The following TFCP2 variants were observed in gnomAD, a reference collection of about 807,000 sequenced individuals.
The protein encoded by TFCP2 is alpha-globin transcription factor CP2.
TFCP2 carries 33 observed loss-of-function variants against 73.4 expected under a neutral mutation model. The observed-to-expected ratio is 0.45, with a 90% CI of 0.34 to 0.60. The LOEUF (loss-of-function observed/expected upper bound fraction) is 0.60. TFCP2 is among the 20% of genes least tolerant of loss of function. The probability of loss-of-function intolerance (pLI) is 0.01; values close to 1 mark genes in which losing one functional copy is unlikely to be tolerated. For synonymous variants in TFCP2, 193 were observed against 211.6 expected, an observed-to-expected ratio of 0.91 and a Z score of 0.76; for missense variants, 352 against 604.0, an observed-to-expected ratio of 0.58 and a Z score of 4.37.
intron 1 of TFCP2, among the ~76,000 whole-genome samples, chr12:51,158,262 C>T (rs1941579134): frequency 6.6e-6 from 1 of 152,060 alleles, no homozygotes; most frequent in African/African-American, 2.4e-5. Flanking sequence ...AGAGAGCCCC[C>T]CCATTCCTAA....
In TFCP2 at chr12:51,117,703, C is replaced by T. The variant is rs1401259536; in HGVS notation, c.319G>A (p.Glu107Lys). 1.2e-6 allele frequency: 2 copies of T among 1,613,226 alleles called. No individual in the cohort carries two copies. Among genetic ancestry groups the T allele is most frequent in the East Asian group, 4.5e-5 (2 of 44,812 alleles). Residue 107 changes from glutamate (E) to lysine (K), a missense_variant, in exon 3 of 15, where the codon GAA becomes AAA. Transcript: ENST00000257915. ...IRMLDNRKLG[E>K]LPEINGKLVK... ...AATTTGCCATTAATTTCTGGAAGTT[C>T]TCCAAGTTTCCTATTGTCTAGCATT...
chr12:51,113,367 C>G (rs1374005877), intron 4 of TFCP2, among the ~76,000 whole-genome samples: 1 of 152,206 alleles, frequency 6.6e-6, no homozygotes, highest in African/African-American at 2.4e-5. Context: ...TTGTGAAGAT[C>G]TTTCCTTTAT....
intron 1 of TFCP2, among the ~76,000 whole-genome samples, chr12:51,134,698 T>TA (rs1210819697): frequency 2.0e-5 from 3 of 152,226 alleles, no homozygotes; most frequent in African/African-American, 4.8e-5. Context: ...TAAATCAAGT[T>TA]TATTTACAGT....
intron 1 of TFCP2, among the ~76,000 whole-genome samples, chr12:51,125,997 G>A (rs12809790): frequency 0.14 from 20,865 of 151,890 alleles, 1,706 homozygotes; most frequent in South Asian, 0.25. Context: ...TTGGGAGGCT[G>A]AGGCAGGTGG....
rs556660935 is a variant in TFCP2, at chr12:51,111,461, T to C, written c.458-478A>G. Among the ~76,000 whole-genome samples the C allele has an allele frequency of 2.1e-3, 314 of 152,228 alleles. 1 individual carries two copies. Among genetic ancestry groups the C allele is most frequent in the Middle Eastern group, 6.8e-3 (2 of 292 alleles). On this transcript the variant is annotated intron_variant, in intron 4 of 14. Transcript: ENST00000257915. ...GTGCCCAGCCCACACCTTAAATTTCTTTTTTGTCAATGAAAATATTTGATT... is the reference window on the plus strand; with the variant it reads ...GTGCCCAGCCCACACCTTAAATTTCCTTTTTGTCAATGAAAATATTTGATT...
At chr12:51,165,764 T>C (rs1048296200) in intron 1 of TFCP2, among the ~76,000 whole-genome samples, 25 of 152,234 alleles carry the variant, frequency 1.6e-4, no homozygotes, top group African/African-American at 5.8e-4. Flanking sequence ...TTTTATGTTA[T>C]GTGTATTTTA....
At chr12:51,108,352 C>G (rs1592793546) in intron 6 of TFCP2, among the ~76,000 whole-genome samples, 1 of 151,930 alleles carries the variant, frequency 6.6e-6, no homozygotes, top group East Asian at 1.9e-4. Flanking sequence ...CAGTGGTTTC[C>G]TCTGGGAAGA....
At chr12:51,110,149 G>C (rs1940362580) in intron 5 of TFCP2, among the ~76,000 whole-genome samples, 1 of 152,196 alleles carries the variant, frequency 6.6e-6, no homozygotes, top group Non-Finnish European at 1.5e-5. Flanking sequence ...TAATAAACTA[G>C]TGGTTACTAT....
intron 1 of TFCP2, among the ~76,000 whole-genome samples, chr12:51,161,569 A>G (rs1296974155): frequency 2.0e-5 from 3 of 151,712 alleles, no homozygotes; most frequent in Non-Finnish European, 4.4e-5. Context: ...AATCCCAGCT[A>G]TTCAGGAGGC....
rs139671825 is a variant in TFCP2, at chr12:51,130,300, C to T, written c.123-11528G>A. 6.7e-3 allele frequency among the ~76,000 whole-genome samples: 1,015 copies of T among 151,900 alleles called. 19 individuals carry two copies. The highest frequency in any genetic ancestry group is 0.023 in the African/African-American group (944 of 41,440). On this transcript the variant is annotated intron_variant, in intron 1 of 14. Coordinates refer to ENST00000257915, the MANE Select transcript of TFCP2 (RefSeq NM_005653.5). The stretch of plus-strand genomic sequence containing the variant: ...CAGCCTGGCCAACATGGTGAAACCC[C>T]GTCTCTCCTAAAAATACAAAAATTA...
At chr12:51,111,883 G>A (rs528557996) in intron 4 of TFCP2, among the ~76,000 whole-genome samples, 13 of 149,540 alleles carry the variant, frequency 8.7e-5, no homozygotes, top group African/African-American at 2.7e-4. Context: ...TAGGCCAGGC[G>A]TGGTGGCTTA....
chr12:51,153,303 G>A (rs1460736031), intron 1 of TFCP2, among the ~76,000 whole-genome samples: 3 of 152,164 alleles, frequency 2.0e-5, no homozygotes, highest in Non-Finnish European at 4.4e-5. Context: ...TTGGGCCCAG[G>A]AGTTTGAGGT....
chr12:51,169,525 G>A (rs1482110741), intron 1 of TFCP2, among the ~76,000 whole-genome samples: 1 of 150,612 alleles, frequency 6.6e-6, no homozygotes, highest in Non-Finnish European at 1.5e-5. Flanking sequence ...AAAGTCAAGA[G>A]AATAGTGACA....
At chr12:51,150,999 G>C (rs1941410434) in intron 1 of TFCP2, among the ~76,000 whole-genome samples, 1 of 152,104 alleles carries the variant, frequency 6.6e-6, no homozygotes, top group African/African-American at 2.4e-5. Flanking sequence ...AAAGCAAGGA[G>C]TGCTGGTGAG....
intron 1 of TFCP2, among the ~76,000 whole-genome samples, chr12:51,169,883 T>C (rs796251297): frequency 7.9e-5 from 12 of 152,326 alleles, no homozygotes; most frequent in African/African-American, 2.9e-4. Context: ...CAGAGTATGA[T>C]TTGTAAAGAA....
At chr12:51,161,036 C>T (rs529556593) in intron 1 of TFCP2, among the ~76,000 whole-genome samples, 3 of 152,282 alleles carry the variant, frequency 2.0e-5, no homozygotes, top group South Asian at 2.1e-4. Context: ...CCTAGTGGCA[C>T]TAGACAAGTG....
chr12:51,110,655 T>C (rs534523535), intron 5 of TFCP2, among the ~76,000 whole-genome samples: 3 of 152,250 alleles, frequency 2.0e-5, no homozygotes, highest in African/African-American at 7.2e-5. Context: ...TATGCAGCCA[T>C]TACCAAGCAA....
chr12:51,160,907 G>C (rs1324860253), intron 1 of TFCP2, among the ~76,000 whole-genome samples: 1 of 152,146 alleles, frequency 6.6e-6, no homozygotes, highest in East Asian at 1.9e-4. Flanking sequence ...GCAGGAAATA[G>C]GGGCTTTGTC....
At chr12:51,126,062 C>G (rs932695939) in intron 1 of TFCP2, among the ~76,000 whole-genome samples, 1 of 151,730 alleles carries the variant, frequency 6.6e-6, no homozygotes, top group Non-Finnish European at 1.5e-5. Flanking sequence ...AACCCCATCT[C>G]TACTAAAAAA....
Sources: gnomAD v4.1 joint callset for allele counts (sites outside exome capture counted in the v4.1 genomes callset) on GRCh38, gnomAD v4.1.1 for gene constraint, MANE v1.5 for transcripts, NCBI Gene and HGNC (gene_info 2026-07-23, HGNC 2026-07-21) for gene names.